Variants in GPM6A observed in about 807,000 individuals in gnomAD.
GPM6A encodes glycoprotein M6A.
Under a neutral mutation model 32.1 loss-of-function variants are expected in GPM6A, and 7 were observed. The observed-to-expected ratio is 0.22, with a 90% CI of 0.12 to 0.41. GPM6A has a LOEUF of 0.41. GPM6A is among the 10% of genes least tolerant of loss of function. The pLI, the probability that GPM6A is intolerant of heterozygous loss-of-function variation, is 1.00. For synonymous variants in GPM6A, 130 were observed against 123.4 expected (o/e 1.05, Z -0.35); for missense variants, 235 against 347.2 (o/e 0.68, Z 2.57).
chr4:175,955,422 G>C (rs1219433649), intron 1 of GPM6A, among the ~76,000 whole-genome samples: 1 of 152,184 alleles, frequency 6.6e-6, no homozygotes, highest in East Asian at 1.9e-4. Context: ...TAAGTTTCTA[G>C]CTTAAATACT....
At chr4:175,692,088 C>T (rs960978174) in intron 2 of GPM6A, among the ~76,000 whole-genome samples, 2 of 152,150 alleles carry the variant, frequency 1.3e-5, no homozygotes, top group African/African-American at 4.8e-5. Context: ...TACTTGTGAC[C>T]TCCAGGACTC....
chr4:175,838,657 T>C (rs2111380861), intron 1 of GPM6A, among the ~76,000 whole-genome samples: 1 of 141,184 alleles, frequency 7.1e-6, no homozygotes, highest in South Asian at 2.4e-4. Flanking sequence ...TTTTTTTTTT[T>C]TTTTTTTTTT....
intron 1 of GPM6A, among the ~76,000 whole-genome samples, chr4:175,940,752 G>C (rs556852161): frequency 6.6e-6 from 1 of 152,056 alleles, no homozygotes. Flanking sequence ...GGGATTACAG[G>C]CACATGCCAC....
intron 1 of GPM6A, among the ~76,000 whole-genome samples, chr4:175,980,080 A>C: frequency 6.6e-6 from 1 of 152,214 alleles, no homozygotes; most frequent in East Asian, 1.9e-4. Context: ...GAATTAAGTA[A>C]TATTATCATT....
At chr4:175,956,698 T>C (rs1350344370) in intron 1 of GPM6A, among the ~76,000 whole-genome samples, 1 of 152,060 alleles carries the variant, frequency 6.6e-6, no homozygotes, top group Non-Finnish European at 1.5e-5. Flanking sequence ...TAATCCCTCC[T>C]CTAATTCTAA....
Position 175,985,677 on chromosome 4 carries a change from T to A in GPM6A, c.-23+16632A>T, listed in dbSNP as rs148924177. ...GTTTCTAGTGTTTCACCATTAAATA[T>A]AATGTTACTTACAGTTTTTGCAGGA... On this transcript the variant is annotated intron_variant, in intron 1 of 7. Coordinates refer to the GPM6A transcript ENST00000280187. 1.1e-3 allele frequency among the ~76,000 whole-genome samples: 166 copies of A among 152,336 alleles called. 1 individual carries two copies. Among genetic ancestry groups the A allele is most frequent in the African/African-American group, 3.7e-3 (154 of 41,592 alleles).
chr4:175,939,459 T>C (rs943809156), intron 1 of GPM6A, among the ~76,000 whole-genome samples: 2 of 152,242 alleles, frequency 1.3e-5, no homozygotes, highest in Admixed American at 1.3e-4. Context: ...TATGCTTTCC[T>C]GGCTGATTTA....
At chr4:175,829,134 T>G (rs944299111) in intron 1 of GPM6A, among the ~76,000 whole-genome samples, 1 of 152,224 alleles carries the variant, frequency 6.6e-6, no homozygotes, top group African/African-American at 2.4e-5. Flanking sequence ...TTTGCCATGT[T>G]GCCCAGGCTG....
At chr4:175,910,562 G>A (rs1738282997) in intron 1 of GPM6A, among the ~76,000 whole-genome samples, 1 of 152,048 alleles carries the variant, frequency 6.6e-6, no homozygotes, top group Admixed American at 6.6e-5. Context: ...CACAGGACAT[G>A]GAATATATAT....
At chr4:175,730,531 C>T (rs959364043) in intron 1 of GPM6A, among the ~76,000 whole-genome samples, 2 of 151,522 alleles carry the variant, frequency 1.3e-5, no homozygotes, top group Admixed American at 6.6e-5. Flanking sequence ...AGTGCAGTGG[C>T]GCGATCTCGG....
intron 1 of GPM6A, chr4:175,801,054 A>C (rs1361860545): frequency 3.2e-5 from 5 of 157,776 alleles, no homozygotes; most frequent in Non-Finnish European, 5.6e-5. Flanking sequence ...GAACTCAAGA[A>C]ACCTAAGAAA....
intron 1 of GPM6A, among the ~76,000 whole-genome samples, chr4:175,867,016 C>T (rs771368933): frequency 1.3e-5 from 2 of 152,152 alleles, no homozygotes; most frequent in Admixed American, 6.5e-5. Context: ...AAGTGTAGAG[C>T]ATATTTTCAT....
At chr4:175,637,162 A>G (rs1579323499) in intron 6 of GPM6A, among the ~76,000 whole-genome samples, 1 of 111,974 alleles carries the variant, frequency 8.9e-6, no homozygotes, top group Non-Finnish European at 1.7e-5. Flanking sequence ...TATGTCACAT[A>G]TAATATATCA....
At chr4:175,805,329 G>A (rs1734651383) in intron 1 of GPM6A, among the ~76,000 whole-genome samples, 1 of 151,882 alleles carries the variant, frequency 6.6e-6, no homozygotes, top group Admixed American at 6.6e-5. Context: ...TTTCTAATGG[G>A]GAATATTAAT....
intron 1 of GPM6A, among the ~76,000 whole-genome samples, chr4:175,845,645 C>T (rs10033784): frequency 0.34 from 52,144 of 151,812 alleles, 8,945 homozygotes; most frequent in African/African-American, 0.36. Context: ...CCTTTCCTCA[C>T]CAAGAAAATT....
At chr4:175,749,580 G>A (rs912846864) in intron 1 of GPM6A, among the ~76,000 whole-genome samples, 7 of 152,230 alleles carry the variant, frequency 4.6e-5, no homozygotes, top group South Asian at 2.1e-4. Context: ...CTTTGGTATC[G>A]TTTATATAAC....
chr4:175,670,494 CATTAA>C (rs1381376454), intron 3 of GPM6A, among the ~76,000 whole-genome samples: 1 of 152,126 alleles, frequency 6.6e-6, no homozygotes, highest in Non-Finnish European at 1.5e-5. Context: ...AATACTTCTA[CATTAA>C]ACTTAAAAAG....
At chr4:175,651,410 C>T (rs1008474844) in intron 4 of GPM6A, among the ~76,000 whole-genome samples, 3 of 151,646 alleles carry the variant, frequency 2.0e-5, no homozygotes, top group African/African-American at 7.3e-5. Flanking sequence ...AAGATGCTGC[C>T]CTCCCATTTC....
At chr4:175,711,455 T>TATATATAC (rs1745534988) in intron 1 of GPM6A, among the ~76,000 whole-genome samples, 3 of 30,690 alleles carry the variant, frequency 9.8e-5, no homozygotes, top group African/African-American at 1.4e-4. Context: ...TATATATATA[T>TATATATAC]ATACACACAC....
Sources: allele counts gnomAD v4.1 joint callset (sites outside exome capture counted in the v4.1 genomes callset), GRCh38; gene constraint gnomAD v4.1.1; transcripts MANE v1.5; gene names NCBI Gene and HGNC (gene_info 2026-07-23, HGNC 2026-07-21).